SPATA13: variants seen among roughly 807,000 people sequenced by gnomAD.
SPATA13 encodes the protein spermatogenesis associated 13.
SPATA13 carries 50 observed loss-of-function variants against 104.0 expected under a neutral mutation model. The observed-to-expected ratio is 0.48, with a 90% confidence interval of 0.38 to 0.61. The LOEUF is 0.61. Ranked by LOEUF, SPATA13 falls within the 20% of genes least tolerant of loss-of-function variation. SPATA13 has a pLI of 0.00. For missense variants in SPATA13, 1,524 were observed against 1,690.6 expected (o/e 0.90, Z 1.73); for synonymous variants, 606 against 667.5 (o/e 0.91, Z 1.42).
chr13:24,246,562 A>T (rs2138654410), intron 2 of SPATA13, among the ~76,000 whole-genome samples: 1 of 152,334 alleles, frequency 6.6e-6, no homozygotes, highest in East Asian at 1.9e-4. Context: ...CAGAGTTCAT[A>T]GAAAAATGTG....
chr13:24,257,233 A>G (rs75745974), intron 4 of SPATA13, among the ~76,000 whole-genome samples: 2,313 of 152,226 alleles, frequency 0.015, 56 homozygotes, highest in Admixed American at 0.046. Context: ...TGCTTTTCTT[A>G]TCTTCCAGAG....
chr13:24,060,054 T>G (rs1212412573), intron 3 of SPATA13, among the ~76,000 whole-genome samples: 1 of 152,238 alleles, frequency 6.6e-6, no homozygotes, highest in Admixed American at 6.5e-5. Flanking sequence ...CCAATGACAT[T>G]CTTCACTGAA....
intron 3 of SPATA13, among the ~76,000 whole-genome samples, chr13:24,129,971 G>A (rs1881341326): frequency 6.6e-6 from 1 of 152,218 alleles, no homozygotes; most frequent in East Asian, 1.9e-4. Context: ...TCACCTGGGA[G>A]TCCCTCCAGG....
At chr13:24,209,358 T>C (rs748548730) in intron 1 of SPATA13, among the ~76,000 whole-genome samples, 2 of 152,228 alleles carry the variant, frequency 1.3e-5, no homozygotes, top group Non-Finnish European at 2.9e-5. Flanking sequence ...TGAAACTAGA[T>C]TGCTGCACTT....
In SPATA13 at chr13:24,299,403, C is replaced by T. The variant is rs74040665; in HGVS notation, c.3584-998C>T. ...GTGTGGGATAAAACTGGATGCATTC[C>T]TTGCCTCGAATATTTTGGCAGCCCT... On this transcript the variant is annotated intron_variant, in intron 11 of 12. Coordinates refer to ENST00000382108, the MANE Select transcript of SPATA13 (RefSeq NM_001166271.3). Among the ~76,000 whole-genome samples, 840 of 152,350 alleles carry T rather than the reference C, an allele frequency of 5.5e-3. 9 individuals are homozygous for T. Among genetic ancestry groups the T allele is most frequent in the African/African-American group, 0.019 (810 of 41,578 alleles).
chr13:24,287,003 G>A (rs1166201500), intron 7 of SPATA13, 53 bp downstream of exon 7: 6 of 1,543,322 alleles, frequency 3.9e-6, no homozygotes, highest in Non-Finnish European at 5.3e-6. Flanking sequence ...GGCTGCATGA[G>A]GTGCCTGGGC....
At position 24,228,077 on chromosome 13, in the gene SPATA13, T is replaced by C. The variant is rs569827239; in HGVS notation, c.1653+3495T>C. On this transcript the variant is annotated intron_variant, in intron 2 of 12. Transcript: ENST00000382108. ...CTGCCAGCATGCCCAGCTAATTTTT[T>C]GTAAAAATAGGGTTTCTCCCCTCTT... 1.7e-3 allele frequency among the ~76,000 whole-genome samples: 255 copies of C among 151,246 alleles called. 1 individual carries two copies. The highest frequency in any genetic ancestry group is 3.0e-3 in the Non-Finnish European group (202 of 67,856).
chr13:23,992,665 G>A (rs1451813591), intron 2 of SPATA13, among the ~76,000 whole-genome samples: 1 of 152,160 alleles, frequency 6.6e-6, no homozygotes, highest in African/African-American at 2.4e-5. Flanking sequence ...ACACAAAGTG[G>A]TCCATGTGCT....
intron 2 of SPATA13, among the ~76,000 whole-genome samples, chr13:24,241,487 G>T (rs1458870460): frequency 6.6e-6 from 1 of 152,238 alleles, no homozygotes; most frequent in South Asian, 2.1e-4. Context: ...CTGGGTCAGA[G>T]GCCATCCCTC....
At chr13:24,224,838 G>C in intron 2 of SPATA13, 2 of 548,484 alleles carry the variant, frequency 3.6e-6, no homozygotes, top group Non-Finnish European at 6.8e-6. Context: ...TCATTCAAAA[G>C]ATGTTTATTG....
intron 4 of SPATA13, among the ~76,000 whole-genome samples, chr13:24,256,896 G>A (rs951326573): frequency 2.6e-5 from 4 of 152,198 alleles, no homozygotes; most frequent in Admixed American, 2.0e-4. Context: ...TGGTGTTTGT[G>A]GCTTCACCTT....
intron 2 of SPATA13, among the ~76,000 whole-genome samples, chr13:23,999,527 G>GT (rs1875857686): frequency 6.6e-6 from 1 of 152,192 alleles, no homozygotes; most frequent in Non-Finnish European, 1.5e-5. Flanking sequence ...GCAGGTGATA[G>GT]TTTTAAGTGT....
chr13:24,213,556 T>C (rs1377208097), intron 1 of SPATA13, among the ~76,000 whole-genome samples: 2 of 152,174 alleles, frequency 1.3e-5, no homozygotes, highest in Admixed American at 1.3e-4. Context: ...TGAGCCACCA[T>C]GCCCGGCCAG....
At chr13:24,016,751 T>C (rs938387775) in intron 2 of SPATA13, among the ~76,000 whole-genome samples, 1 of 152,260 alleles carries the variant, frequency 6.6e-6, no homozygotes. Context: ...GAAGGCACTC[T>C]GGGACGTGCA....
chr13:24,020,431 T>A (rs1264110697), intron 3 of SPATA13, among the ~76,000 whole-genome samples: 1 of 152,222 alleles, frequency 6.6e-6, no homozygotes, highest in Non-Finnish European at 1.5e-5. Flanking sequence ...AATATATTAG[T>A]ATTTTAAAAG....
At chr13:24,110,051 G>A (rs1593335703) in intron 3 of SPATA13, among the ~76,000 whole-genome samples, 2 of 148,908 alleles carry the variant, frequency 1.3e-5, no homozygotes, top group Middle Eastern at 3.2e-3. Flanking sequence ...ATTTGGCAGC[G>A]GGACATGTCA....
chr13:24,106,131 T>C, intron 3 of SPATA13, among the ~76,000 whole-genome samples: 1 of 152,188 alleles, frequency 6.6e-6, no homozygotes, highest in East Asian at 1.9e-4. Context: ...GCTCCTGGAC[T>C]CTTGCAACCC....
In SPATA13 at chr13:24,280,172, G is replaced by C. The variant is rs9318450; in HGVS notation, c.2165-3963G>C. On this transcript the variant is annotated intron_variant, in intron 4 of 12. Coordinates refer to ENST00000382108, the MANE Select transcript of SPATA13 (RefSeq NM_001166271.3). ...GACTACAGGTGCGTACCACGACCCC[G>C]GGTAGAGCTGTTTTGCTAAGTGTTT... Among the ~76,000 whole-genome samples the C allele has an allele frequency of 2.5e-3, 381 of 152,112 alleles. 6 individuals carry two copies. The highest frequency in any genetic ancestry group is 8.9e-3 in the African/African-American group (369 of 41,482).
At chr13:24,100,500 C>T (rs145036488) in intron 3 of SPATA13, among the ~76,000 whole-genome samples, 2 of 152,306 alleles carry the variant, frequency 1.3e-5, no homozygotes, top group Non-Finnish European at 2.9e-5. Context: ...CAGCTATTTC[C>T]AGTAGCACAT....
Sources: gnomAD v4.1 joint callset for allele counts (sites outside exome capture counted in the v4.1 genomes callset) on GRCh38, gnomAD v4.1.1 for gene constraint, MANE v1.5 for transcripts, NCBI Gene and HGNC (gene_info 2026-07-23, HGNC 2026-07-21) for gene names.